SPATC1L: variants seen among roughly 807,000 people sequenced by gnomAD.
The protein encoded by SPATC1L is speriolin-like protein.
A neutral mutation model predicts 21.2 loss-of-function variants in SPATC1L; 20 were observed. The observed-to-expected ratio is 0.94, with a 90% CI of 0.66 to 1.37. The LOEUF is 1.37. Among genes scored for constraint, SPATC1L ranks in the 40% most tolerant of loss-of-function variants. The pLI is 0.00. For missense variants in SPATC1L, 499 were observed against 478.7 expected (o/e 1.04, Z -0.40); for synonymous variants, 290 against 234.5 (o/e 1.24, Z -2.16).
intron 4 of SPATC1L, 61 bp from the exon 5 acceptor site, chr21:46,161,766 G>A: frequency 1.3e-6 from 2 of 1,491,930 alleles, no homozygotes; most frequent in Non-Finnish European, 1.8e-6. Flanking sequence ...GGGACTTCCA[G>A]GCCCAGGGCC....
Position 46,161,589 on chromosome 21 carries a change from G to C in SPATC1L, c.813C>G (p.His271Gln), listed in dbSNP as rs757295688. 2 of 1,610,484 alleles carry C rather than the reference G, an allele frequency of 1.2e-6. No individual in the cohort carries two copies. The highest frequency in any genetic ancestry group is 2.2e-5 in the East Asian group (1 of 44,824). Residue 271 changes from histidine to glutamine, a missense_variant, in exon 5 of 5, where the codon CAC (histidine) becomes CAG (glutamine). Transcript: ENST00000291672. The stretch of plus-strand genomic sequence containing the variant: ...TGATGAGGAACTCGCTGAACGCCGG[G>C]TGCACGTCGCGGCTGTAGCCCAGCT... ...LEKLGYSRDV[H>Q]PAFSEFLINT... is the part of the protein sequence containing the mutation.
chr21:46,174,204 C>T (rs2079612582), intron 2 of SPATC1L, among the ~76,000 whole-genome samples: 1 of 152,000 alleles, frequency 6.6e-6, no homozygotes, highest in African/African-American at 2.4e-5. Context: ...TGTTGGGTGC[C>T]TATAATTCCA....
At chr21:46,170,973 C>G (rs572053744) in intron 2 of SPATC1L, among the ~76,000 whole-genome samples, 16 of 150,046 alleles carry the variant, frequency 1.1e-4, no homozygotes, top group African/African-American at 4.0e-4. Flanking sequence ...TGTAAACATC[C>G]TCTGTGGATG....
chr21:46,184,109 C>T (rs2079705077), intron 1 of SPATC1L, among the ~76,000 whole-genome samples: 1 of 150,948 alleles, frequency 6.6e-6, no homozygotes, highest in Non-Finnish European at 1.5e-5. Context: ...TGAGAAGGGT[C>T]CAGCAGTGCA....
intron 2 of SPATC1L, among the ~76,000 whole-genome samples, chr21:46,170,168 T>C (rs7281903): frequency 1.1e-4 from 13 of 119,444 alleles, no homozygotes; most frequent in East Asian, 4.5e-4. Flanking sequence ...GGGAGGAGCC[T>C]CCTGCTCTGT....
At chr21:46,182,415 T>C (rs891851190) in intron 2 of SPATC1L, among the ~76,000 whole-genome samples, 7 of 152,164 alleles carry the variant, frequency 4.6e-5, no homozygotes, top group Non-Finnish European at 7.4e-5. Flanking sequence ...CCACTCCCAC[T>C]TCGCCAGCGA....
chr21:46,180,951 G>A (rs9975914), intron 2 of SPATC1L, among the ~76,000 whole-genome samples: 8,451 of 152,260 alleles, frequency 0.056, 310 homozygotes, highest in Middle Eastern at 0.13. Flanking sequence ...TGGAGACCCC[G>A]CCCGGACTCA....
chr21:46,161,196 TC>T lies in SPATC1L; in HGVS notation c.*182del. 2.0e-6 allele frequency: 1 copy of T among 490,162 alleles called. No homozygotes were observed. The allele number at this position is 490,162 out of a possible 1,614,324, so 30.4% of individuals were successfully genotyped here. ...GATTTTAATGAGGGGTGAGAAGCAC[TC>T]CGCAGGTGCGGGCAGCGGCGGGCTG... is the stretch of plus-strand genomic sequence containing the variant. On this transcript the variant is annotated 3_prime_UTR_variant, in exon 5 of 5. Transcript: ENST00000291672.
At chr21:46,161,836 G>A (rs1268675083) in intron 4 of SPATC1L, 80 bp downstream of exon 4, 3 of 1,548,866 alleles carry the variant, frequency 1.9e-6, no homozygotes, top group African/African-American at 1.4e-5. Flanking sequence ...TGCCCGGCCA[G>A]GAGCCAAGAT....
intron 2 of SPATC1L, among the ~76,000 whole-genome samples, chr21:46,175,783 G>A (rs1210167855): frequency 6.6e-6 from 1 of 152,212 alleles, no homozygotes; most frequent in Non-Finnish European, 1.5e-5. Context: ...TTGAGGAGGA[G>A]AGTCTCCTCC....
Position 46,161,915 on chromosome 21 carries a change from C to T in SPATC1L, c.696+1G>A, listed in dbSNP as rs888183929. 10 of 1,605,640 alleles carry T rather than the reference C, an allele frequency of 6.2e-6. No homozygotes were observed. Among genetic ancestry groups the T allele is most frequent in the Admixed American group, 3.3e-5 (2 of 59,900 alleles). On this transcript the variant is annotated splice_donor_variant, in intron 4 of 4. Coordinates refer to ENST00000291672, the MANE Select transcript of SPATC1L (RefSeq NM_001142854.2). LOFTEE classifies it high-confidence loss of function. ...GGCCGCGCCCTCCCCACGGGGCGCA[C>T]CTGCTCGATCTTCTCGGGGATGTTG...
intron 2 of SPATC1L, among the ~76,000 whole-genome samples, chr21:46,178,390 C>T (rs2079648187): frequency 6.6e-6 from 1 of 152,002 alleles, no homozygotes; most frequent in South Asian, 2.1e-4. Context: ...AACGAGAACA[C>T]GTGGACACAT....
intron 2 of SPATC1L, among the ~76,000 whole-genome samples, chr21:46,172,383 A>G (rs894345720): frequency 1.3e-5 from 2 of 152,244 alleles, no homozygotes; most frequent in Non-Finnish European, 2.9e-5. Context: ...GGTCCCTGGC[A>G]AGAAGCTGAG....
intron 2 of SPATC1L, among the ~76,000 whole-genome samples, chr21:46,171,189 C>A (rs1433364900): frequency 1.3e-5 from 2 of 152,262 alleles, no homozygotes; most frequent in African/African-American, 4.8e-5. Context: ...CTGATGAGGT[C>A]ATGTGGCATT....
intron 2 of SPATC1L, among the ~76,000 whole-genome samples, chr21:46,181,014 G>A (rs749894644): frequency 3.2e-4 from 49 of 152,222 alleles, no homozygotes; most frequent in Non-Finnish European, 6.5e-4. Flanking sequence ...AGGGTTGAGG[G>A]TCTGCCCCTC....
At position 46,168,546 on chromosome 21, in the gene SPATC1L, GGT is replaced by G. The variant is rs1227977025; in HGVS notation, c.304_305del (p.Thr102LeufsTer23). Reference sequence around the variant, plus strand: ...GGGAGGGGGCTGCACAGCCCGGGGAGGTGTCGTCCTCGCTGGACAGGGGGGCA... The same window carrying G: ...GGGAGGGGGCTGCACAGCCCGGGGAGGTCGTCCTCGCTGGACAGGGGGGCA... ...SHAPLSSEDD[T>X]SPGCAAPSQA... is the part of the protein sequence containing the mutation. On this transcript the variant is annotated frameshift_variant, in exon 3 of 5. Coordinates refer to ENST00000291672, the MANE Select transcript of SPATC1L (RefSeq NM_001142854.2). LOFTEE classifies it high-confidence loss of function. The G allele has an allele frequency of 6.6e-7, 1 of 1,511,446 alleles. No individual in the cohort carries two copies. The highest frequency in any genetic ancestry group is 8.9e-7 in the Non-Finnish European group (1 of 1,117,588). 93.6% of individuals were successfully genotyped at this position (1,511,446 alleles called of 1,614,324 possible). A position where few individuals can be genotyped will look rare whatever the true frequency, so the allele number is the denominator to read the frequency against.
Position 46,161,242 on chromosome 21 carries a change from G to A in SPATC1L, c.*137C>T. 1.3e-6 allele frequency: 1 copy of A among 767,170 alleles called. No individual in the cohort carries two copies. Among genetic ancestry groups the A allele is most frequent in the Admixed American group, 3.8e-5 (1 of 26,312 alleles). The allele number at this position is 767,170 out of a possible 1,614,324, so 47.5% of individuals were successfully genotyped here. The stretch of plus-strand genomic sequence containing the variant: ...GGGCTGCGGTCGGGGCCCAGCACCG[G>A]TGGGAGCGGGGCCTTCTCTGGCCTC... On this transcript the variant is annotated 3_prime_UTR_variant, in exon 5 of 5. Coordinates refer to ENST00000291672, the MANE Select transcript of SPATC1L (RefSeq NM_001142854.2).
In SPATC1L at chr21:46,168,540, C is replaced by A. The variant is rs767593483; in HGVS notation, c.312G>T (p.Pro104=). 1 of 1,515,592 alleles carries A rather than the reference C, an allele frequency of 6.6e-7. No individual in the cohort carries two copies. Among genetic ancestry groups the A allele is most frequent in the Non-Finnish European group, 8.9e-7 (1 of 1,120,246 alleles). 93.9% of individuals were successfully genotyped at this position (1,515,592 alleles called of 1,614,324 possible). A position where few individuals can be genotyped will look rare whatever the true frequency, so the allele number is the denominator to read the frequency against. ...APLSSEDDTS[P]GCAAPSQAPF... ...GTGCCTGGGAGGGGGCTGCACAGCC[C>A]GGGGAGGTGTCGTCCTCGCTGGACA... Residue 104 remains proline (P), a synonymous_variant, in exon 3 of 5, where the codon CCG becomes CCT. Transcript: ENST00000291672.
chr21:46,161,520 G>C lies in SPATC1L; in HGVS notation c.882C>G (p.Asn294Lys), dbSNP rs1391888763. Residue 294 changes from asparagine (N) to lysine (K), a missense_variant, in exon 5 of 5, where the codon AAC becomes AAG. By Grantham distance (94) the Asn-to-Lys change is moderately conservative (BLOSUM62 0). Transcript: ENST00000291672. The part of the protein sequence containing the change: ...ILKQRPDLRA[N>K]PLHSSPAALR... ...GCGCGGCCGGGCTGCTGTGCAGGGG[G>C]TTGGCGCGCAGGTCGGGCCGCTGCT... The C allele has an allele frequency of 1.2e-6, 2 of 1,610,062 alleles. No individual in the cohort carries two copies. Among genetic ancestry groups the C allele is most frequent in the African/African-American group, 1.3e-5 (1 of 74,884 alleles).
Sources: allele counts gnomAD v4.1 joint callset (sites outside exome capture counted in the v4.1 genomes callset), GRCh38; gene constraint gnomAD v4.1.1; transcripts MANE v1.5; gene names NCBI Gene and HGNC (gene_info 2026-07-23, HGNC 2026-07-21).